The following DIAPH3 variants were observed in gnomAD, a reference collection of about 807,000 sequenced individuals.
DIAPH3 encodes protein diaphanous homolog 3.
DIAPH3 carries 117 observed loss-of-function variants against 144.3 expected under a neutral mutation model. The ratio of observed to expected loss-of-function variants is 0.81; its 90% CI spans 0.70 to 0.95. DIAPH3 has a LOEUF of 0.95. Among genes scored for constraint, DIAPH3 ranks in the 40% least tolerant of loss-of-function variants. The pLI is 0.00. For synonymous variants in DIAPH3, 519 were observed against 488.9 expected, an observed-to-expected ratio of 1.06 and a Z score of -0.81; for missense variants, 1,421 against 1,412.7, an observed-to-expected ratio of 1.01 and a Z score of -0.09.
intron 4 of DIAPH3, among the ~76,000 whole-genome samples, chr13:60,076,497 G>A (rs762050870): frequency 6.6e-6 from 1 of 152,032 alleles, no homozygotes; most frequent in Non-Finnish European, 1.5e-5. Context: ...CTGTCAAAAC[G>A]TTGACATAAC....
chr13:59,879,461 T>C lies in DIAPH3; in HGVS notation c.2375A>G (p.Asn792Ser), dbSNP rs768751153. ...EPEQFVVVMS[N>S]VKRLRPRLSA... Reference sequence around the variant, plus strand: ...GAGCCGTGGCCGTAGTCTCTTCACATTGCTCATCTGATTGAAAAGAAAACA... The same window carrying C: ...GAGCCGTGGCCGTAGTCTCTTCACACTGCTCATCTGATTGAAAAGAAAACA... The change falls in exon 21 of 28, where the codon AAT becomes AGT. Residue 792 changes from asparagine (N) to serine (S), a missense_variant. Coordinates refer to ENST00000400324, the MANE Select transcript of DIAPH3 (RefSeq NM_001042517.2). 6.2e-6 allele frequency: 10 copies of C among 1,613,650 alleles called. No homozygotes were observed. The highest frequency in any genetic ancestry group is 8.5e-6 in the Non-Finnish European group (10 of 1,179,712).
chr13:59,767,187 G>A (rs2037902039), intron 27 of DIAPH3, among the ~76,000 whole-genome samples: 1 of 152,140 alleles, frequency 6.6e-6, no homozygotes, highest in African/African-American at 2.4e-5. Flanking sequence ...AACCTCCACA[G>A]TAGCACCACC....
At chr13:59,911,334 G>A (rs1026379565) in intron 20 of DIAPH3, among the ~76,000 whole-genome samples, 1 of 151,618 alleles carries the variant, frequency 6.6e-6, no homozygotes, top group Non-Finnish European at 1.5e-5. Flanking sequence ...TTATAATTTC[G>A]GTCTAAACTA....
chr13:59,793,648 T>C (rs2039435834), intron 25 of DIAPH3, among the ~76,000 whole-genome samples: 1 of 152,214 alleles, frequency 6.6e-6, no homozygotes, highest in South Asian at 2.1e-4. Flanking sequence ...CTTCTTACTC[T>C]GCTCATTCTT....
At chr13:60,088,793 TG>T (rs2057835986) in intron 4 of DIAPH3, among the ~76,000 whole-genome samples, 1 of 152,070 alleles carries the variant, frequency 6.6e-6, no homozygotes. Flanking sequence ...AGCTAATTTT[TG>T]TATTTTTAGG....
chr13:59,830,516 G>A (rs1019422695), intron 24 of DIAPH3, among the ~76,000 whole-genome samples: 2 of 151,672 alleles, frequency 1.3e-5, no homozygotes, highest in South Asian at 2.1e-4. Context: ...GTGACTTCTA[G>A]GACCCCATGA....
intron 17 of DIAPH3, among the ~76,000 whole-genome samples, chr13:59,939,470 G>A (rs1235574172): frequency 2.0e-5 from 3 of 152,080 alleles, no homozygotes; most frequent in African/African-American, 7.2e-5. Context: ...TAAAGCCAGG[G>A]CAGACTTTTA....
chr13:59,703,549 T>C (rs767561746), intron 27 of DIAPH3, among the ~76,000 whole-genome samples: 9 of 152,228 alleles, frequency 5.9e-5, no homozygotes, highest in Non-Finnish European at 1.3e-4. Context: ...CAGCACTAAA[T>C]TCTTAATTTT....
At chr13:60,030,023 T>C (rs966295165) in intron 5 of DIAPH3, among the ~76,000 whole-genome samples, 1 of 152,154 alleles carries the variant, frequency 6.6e-6, no homozygotes, top group African/African-American at 2.4e-5. Context: ...TGTTCAGTAC[T>C]ACTGCCCACT....
intron 23 of DIAPH3, chr13:59,837,817 A>T (rs896892893): frequency 6.6e-6 from 1 of 151,588 alleles, no homozygotes; most frequent in Admixed American, 6.6e-5. Context: ...TGATAAAGGC[A>T]TCCTCCCTAA....
At chr13:59,976,936 T>C (rs540315372) in intron 14 of DIAPH3, among the ~76,000 whole-genome samples, 13 of 152,036 alleles carry the variant, frequency 8.6e-5, no homozygotes, top group African/African-American at 2.9e-4. Context: ...ATGTTGCTAT[T>C]CTTTGTAAAG....
intron 17 of DIAPH3, among the ~76,000 whole-genome samples, chr13:59,964,114 G>GGT (rs2049919862): frequency 6.6e-6 from 1 of 152,058 alleles, no homozygotes; most frequent in African/African-American, 2.4e-5. Flanking sequence ...TGAGACAAAA[G>GGT]GTGTGAGATA....
At chr13:60,042,207 G>A (rs902954496) in intron 5 of DIAPH3, among the ~76,000 whole-genome samples, 2 of 152,080 alleles carry the variant, frequency 1.3e-5, no homozygotes, top group Non-Finnish European at 2.9e-5. Context: ...TAAACAGTGT[G>A]TGTGTGTCTA....
At chr13:59,911,068 T>C (rs1013147794) in intron 20 of DIAPH3, among the ~76,000 whole-genome samples, 1 of 151,992 alleles carries the variant, frequency 6.6e-6, no homozygotes, top group African/African-American at 2.4e-5. Flanking sequence ...AACAACACTA[T>C]AGTATTGTTA....
chr13:60,034,979 G>C (rs566878210), intron 5 of DIAPH3, among the ~76,000 whole-genome samples: 1 of 151,962 alleles, frequency 6.6e-6, no homozygotes. Flanking sequence ...TTTTTAAAAA[G>C]TCAATCTTGG....
chr13:59,722,252 T>C (rs1347034596), intron 27 of DIAPH3, among the ~76,000 whole-genome samples: 4 of 152,182 alleles, frequency 2.6e-5, no homozygotes, highest in Non-Finnish European at 4.4e-5. Context: ...CTGAGAGCCT[T>C]ATGACATGGC....
chr13:59,706,209 GA>G (rs937492183), intron 27 of DIAPH3, among the ~76,000 whole-genome samples: 10 of 151,958 alleles, frequency 6.6e-5, no homozygotes, highest in East Asian at 1.9e-4. Context: ...ATAATAACAA[GA>G]AAAAAAGTCT....
chr13:59,682,444 C>T lies in DIAPH3; in HGVS notation c.3320-15598G>A, dbSNP rs139252007. ...TCAAGTGATCCTCCCCCTTCACCCTCCTGAGTAGCTGGGATTACAGGTGTG... is the reference window on the plus strand; with the variant it reads ...TCAAGTGATCCTCCCCCTTCACCCTTCTGAGTAGCTGGGATTACAGGTGTG... On this transcript the variant is annotated intron_variant, in intron 27 of 27. Transcript: ENST00000400324. Among the ~76,000 whole-genome samples the T allele has an allele frequency of 4.6e-5, 7 of 152,262 alleles. No homozygotes were observed. The East Asian group carries it at 1.4e-3, about 29-fold the overall frequency.
At chr13:59,948,676 G>T (rs923303497) in intron 17 of DIAPH3, among the ~76,000 whole-genome samples, 2 of 152,046 alleles carry the variant, frequency 1.3e-5, no homozygotes, top group Non-Finnish European at 2.9e-5. Flanking sequence ...GCCCAAGCTG[G>T]TCTTAAACTC....
Sources: allele counts gnomAD v4.1 joint callset (sites outside exome capture counted in the v4.1 genomes callset), GRCh38; gene constraint gnomAD v4.1.1; transcripts MANE v1.5; gene names NCBI Gene and HGNC (gene_info 2026-07-23, HGNC 2026-07-21).